Variants in KDM4C observed in about 807,000 individuals in gnomAD.
KDM4C encodes lysine demethylase 4C, also known as lysine-specific demethylase 4C.
In KDM4C, 81 loss-of-function variants were observed where a neutral mutation model predicts 129.3. That is an observed-to-expected ratio of 0.63 (90% CI 0.52 to 0.75). KDM4C has a LOEUF of 0.75. Among genes scored for constraint, KDM4C ranks in the 30% least tolerant of loss-of-function variants. The probability of loss-of-function intolerance (pLI) is 0.00; values close to 1 mark genes in which losing one functional copy is unlikely to be tolerated. For synonymous variants in KDM4C, 573 were observed against 456.1 expected (o/e 1.26, Z -3.26); for missense variants, 1,457 against 1,304.0 (o/e 1.12, Z -1.81).
At chr9:6,917,290 C>G (rs1459019434) in intron 8 of KDM4C, among the ~76,000 whole-genome samples, 1 of 152,196 alleles carries the variant, frequency 6.6e-6, no homozygotes, top group Non-Finnish European at 1.5e-5. Flanking sequence ...ACCTGTCTCT[C>G]AAGCTCTTTT....
chr9:6,737,067 A>G (rs1817548105), intron 1 of KDM4C, among the ~76,000 whole-genome samples: 1 of 151,116 alleles, frequency 6.6e-6, no homozygotes, highest in African/African-American at 2.4e-5. Context: ...AAAAAAAAAA[A>G]AAAAAAAGTT....
intron 19 of KDM4C, among the ~76,000 whole-genome samples, chr9:7,130,691 G>C (rs959538459): frequency 1.3e-5 from 2 of 152,200 alleles, no homozygotes; most frequent in Non-Finnish European, 2.9e-5. Flanking sequence ...GTACCATGGA[G>C]TGGCATGAAT....
chr9:6,988,655 G>GTCATCCAT (rs55955234), intron 11 of KDM4C, among the ~76,000 whole-genome samples: 2,341 of 149,210 alleles, frequency 0.016, 26 homozygotes, highest in East Asian at 0.046. Flanking sequence ...ATTTTTTAAA[G>GTCATCCAT]CCATCCATCC....
chr9:7,142,592 T>G (rs1343438958), intron 19 of KDM4C, among the ~76,000 whole-genome samples: 2 of 152,336 alleles, frequency 1.3e-5, no homozygotes, highest in South Asian at 2.1e-4. Context: ...TTCATTTACC[T>G]TTTTTAAAGG....
At chr9:6,908,646 G>C (rs534719134) in intron 8 of KDM4C, among the ~76,000 whole-genome samples, 1 of 151,914 alleles carries the variant, frequency 6.6e-6, no homozygotes, top group Non-Finnish European at 1.5e-5. Context: ...CACTGACTTA[G>C]CAAAGAGGCC....
chr9:6,722,681 T>A (rs1366065029), intron 1 of KDM4C, among the ~76,000 whole-genome samples: 1 of 151,922 alleles, frequency 6.6e-6, no homozygotes, highest in Non-Finnish European at 1.5e-5. Context: ...GCCCAGCTAA[T>A]TTTGTATTTT....
intron 1 of KDM4C, among the ~76,000 whole-genome samples, chr9:6,747,059 G>C (rs567525567): frequency 6.0e-5 from 9 of 150,758 alleles, no homozygotes; most frequent in African/African-American, 2.2e-4. Context: ...CAGGTGTGGT[G>C]GTGCACACTT....
rs192959172 is a variant in KDM4C at position 7,138,199 on chromosome 9, A to G, written c.2781+9963A>G. On this transcript the variant is annotated intron_variant, in intron 19 of 21. Transcript: ENST00000381309. ...TCAGTTTCTAATCTTCCCTACAGAG[A>G]GTGTTCTATGCTAAGAAGTGAGTGA... is the stretch of plus-strand genomic sequence containing the variant. 2.2e-3 allele frequency among the ~76,000 whole-genome samples: 332 copies of G among 152,284 alleles called. 1 individual carries two copies. Among genetic ancestry groups the G allele is most frequent in the African/African-American group, 7.5e-3 (312 of 41,568 alleles).
At chr9:6,830,106 T>C (rs1220125495) in intron 4 of KDM4C, among the ~76,000 whole-genome samples, 3 of 152,162 alleles carry the variant, frequency 2.0e-5, no homozygotes, top group Non-Finnish European at 4.4e-5. Flanking sequence ...CAGCAAAAAA[T>C]GTAAAACAAC....
intron 1 of KDM4C, chr9:6,749,053 C>T (rs1588063725): frequency 7.1e-6 from 4 of 562,366 alleles, no homozygotes; most frequent in Admixed American, 5.0e-5. Flanking sequence ...GAGTTTTGCT[C>T]TTGTTGCCCA....
chr9:6,863,549 C>T (rs577565443), intron 5 of KDM4C, among the ~76,000 whole-genome samples: 8 of 152,100 alleles, frequency 5.3e-5, no homozygotes, highest in Middle Eastern at 3.4e-3. Flanking sequence ...GTAATCCCAG[C>T]ACTTTGGGAG....
At chr9:6,951,192 T>C (rs1490305011) in intron 8 of KDM4C, among the ~76,000 whole-genome samples, 1 of 152,168 alleles carries the variant, frequency 6.6e-6, no homozygotes, top group Non-Finnish European at 1.5e-5. Context: ...TTCAATGTCT[T>C]CTTTCTTAGC....
At chr9:6,766,768 A>ATT (rs202219046) in intron 1 of KDM4C, among the ~76,000 whole-genome samples, 4 of 144,598 alleles carry the variant, frequency 2.8e-5, no homozygotes, top group Admixed American at 6.9e-5. Flanking sequence ...GCTGAACAGG[A>ATT]TTTTTTTTTT....
chr9:7,057,354 A>G (rs979664805), intron 17 of KDM4C, among the ~76,000 whole-genome samples: 1 of 152,238 alleles, frequency 6.6e-6, no homozygotes, highest in African/African-American at 2.4e-5. Flanking sequence ...ATTGATCTCA[A>G]TATCAAAGTT....
chr9:7,017,743 A>G (rs1823944591), intron 15 of KDM4C, among the ~76,000 whole-genome samples: 1 of 152,188 alleles, frequency 6.6e-6, no homozygotes, highest in South Asian at 2.1e-4. Context: ...TTTATTCCTC[A>G]ATGATCTCTA....
chr9:6,734,582 C>G, intron 1 of KDM4C: 1 of 218,060 alleles, frequency 4.6e-6, no homozygotes, highest in South Asian at 6.9e-5. Context: ...GAGTGTGTCA[C>G]CATGCCTGGC....
chr9:6,929,471 CTTTTTTTTTT>C (rs59537472), intron 8 of KDM4C, among the ~76,000 whole-genome samples: 12 of 127,548 alleles, frequency 9.4e-5, no homozygotes, highest in African/African-American at 2.9e-4. Flanking sequence ...TTGACTTTTT[CTTTTTTTTTT>C]TTTTTTTTTG....
chr9:6,923,464 A>T, intron 8 of KDM4C, among the ~76,000 whole-genome samples: 1 of 152,180 alleles, frequency 6.6e-6, no homozygotes, highest in East Asian at 1.9e-4. Flanking sequence ...GTGCATCACT[A>T]GTGAATTGTA....
chr9:7,157,215 CTT>C (rs1183556786), intron 19 of KDM4C, among the ~76,000 whole-genome samples: 1 of 152,178 alleles, frequency 6.6e-6, no homozygotes, highest in African/African-American at 2.4e-5. Context: ...TATCCTGAGA[CTT>C]TGCTGAAGTT....
Sources: allele counts gnomAD v4.1 joint callset (sites outside exome capture counted in the v4.1 genomes callset), GRCh38; gene constraint gnomAD v4.1.1; transcripts MANE v1.5; gene names NCBI Gene and HGNC (gene_info 2026-07-23, HGNC 2026-07-21).